The following COL26A1 variants were observed in gnomAD, a reference collection of about 807,000 sequenced individuals.
COL26A1 encodes collagen type XXVI alpha 1 chain.
Under a neutral mutation model 59.3 loss-of-function variants are expected in COL26A1, and 41 were observed. That is an observed-to-expected ratio of 0.69 (90% CI 0.54 to 0.90). COL26A1 has a LOEUF of 0.90. Among genes scored for constraint, COL26A1 ranks in the 40% least tolerant of loss-of-function variants. COL26A1 has a pLI of 0.00. For synonymous variants in COL26A1, 266 were observed against 256.0 expected (o/e 1.04, Z -0.37); for missense variants, 612 against 602.3 (o/e 1.02, Z -0.17).
At chr7:101,444,288 T>A (rs1793132131) in intron 2 of COL26A1, among the ~76,000 whole-genome samples, 2 of 152,112 alleles carry the variant, frequency 1.3e-5, no homozygotes, top group South Asian at 4.1e-4. Context: ...ATAAACCCAC[T>A]TTGGGTTTAT....
chr7:101,381,836 G>T (rs1201035984), intron 1 of COL26A1, among the ~76,000 whole-genome samples: 1 of 152,108 alleles, frequency 6.6e-6, no homozygotes, highest in Admixed American at 6.6e-5. Flanking sequence ...GGACGTCCCT[G>T]GGGGAGATAT....
At chr7:101,447,824 C>T (rs113636413) in intron 3 of COL26A1, 37 bp downstream of exon 3, 6 of 1,350,242 alleles carry the variant, frequency 4.4e-6, no homozygotes, top group Admixed American at 1.9e-5. Flanking sequence ...GGGGGCCAGG[C>T]GTGGGCCAGG....
At chr7:101,543,108 G>A (rs973274624) in intron 5 of COL26A1, among the ~76,000 whole-genome samples, 1 of 152,114 alleles carries the variant, frequency 6.6e-6, no homozygotes, top group African/African-American at 2.4e-5. Flanking sequence ...CCATACCACA[G>A]TCCCATGCAG....
intron 3 of COL26A1, among the ~76,000 whole-genome samples, chr7:101,463,632 TTCCTTCCTTCCATC>T (rs1562993133): frequency 4.6e-5 from 3 of 65,012 alleles, no homozygotes; most frequent in African/African-American, 1.6e-4. Flanking sequence ...CCCCTCTTCC[TTCCTTCCTTCCATC>T]CTTCCATCCT....
At chr7:101,400,218 A>G (rs1427679273) in intron 1 of COL26A1, among the ~76,000 whole-genome samples, 1 of 152,082 alleles carries the variant, frequency 6.6e-6, no homozygotes, top group East Asian at 1.9e-4. Flanking sequence ...AGATGTGGAG[A>G]GAGGCATGGC....
rs1252886257 is a variant in COL26A1, at chr7:101,466,825, TGTGTGTGTGTGTGAGA to T, written c.385+19040_385+19055del. Reference sequence around the variant, plus strand: ...GTGTGTGTGTGTGTGTGTGTGTGTGTGTGTGTGTGTGTGAGAGAGAGAGATTCAGTCTCTGCCTTTT... The same window carrying T: ...GTGTGTGTGTGTGTGTGTGTGTGTGTGAGAGAGATTCAGTCTCTGCCTTTT... On this transcript the variant is annotated intron_variant, in intron 3 of 12. Coordinates refer to ENST00000313669, the MANE Select transcript of COL26A1 (RefSeq NM_001278563.3). Among the ~76,000 whole-genome samples the T allele has an allele frequency of 4.0e-3, 517 of 128,254 alleles. 6 individuals carry two copies. The highest frequency in any genetic ancestry group is 0.015 in the African/African-American group (496 of 32,506). The allele number at this position is 128,254 out of a possible 152,430, so 84.1% of individuals were successfully genotyped here. A position where few individuals can be genotyped will look rare whatever the true frequency, so the allele number is the denominator to read the frequency against.
chr7:101,389,332 T>A (rs567910169), intron 1 of COL26A1, among the ~76,000 whole-genome samples: 1 of 152,180 alleles, frequency 6.6e-6, no homozygotes, highest in Middle Eastern at 3.4e-3. Context: ...TAGGAGTTCC[T>A]TATGTATCTG....
chr7:101,406,112 T>C (rs1249933597), intron 1 of COL26A1, among the ~76,000 whole-genome samples: 2 of 152,206 alleles, frequency 1.3e-5, no homozygotes, highest in East Asian at 3.8e-4. Flanking sequence ...CTGGAAACCA[T>C]GTCATCGCCT....
intron 3 of COL26A1, among the ~76,000 whole-genome samples, chr7:101,501,101 G>C (rs1482928929): frequency 6.7e-6 from 1 of 148,160 alleles, no homozygotes; most frequent in Non-Finnish European, 1.5e-5. Flanking sequence ...CAGGAGAATC[G>C]CTTGTACTGG....
At chr7:101,376,032 G>A (rs1397450318) in intron 1 of COL26A1, among the ~76,000 whole-genome samples, 1 of 150,492 alleles carries the variant, frequency 6.6e-6, no homozygotes, top group Admixed American at 6.6e-5. Flanking sequence ...ACGGTGATGT[G>A]TGATTGTAGT....
At position 101,421,536 on chromosome 7, in the gene COL26A1, G is replaced by A. The variant is rs543221701; in HGVS notation, c.281+1437G>A. On this transcript the variant is annotated intron_variant, in intron 2 of 12. Coordinates refer to ENST00000313669, the MANE Select transcript of COL26A1 (RefSeq NM_001278563.3). ...CTAAAAATACAAAAATTAGCCAGGC[G>A]TGGTGGTGGGCGCCTGCAATCCCAG... 2.9e-3 allele frequency among the ~76,000 whole-genome samples: 435 copies of A among 152,118 alleles called. 2 individuals carry two copies. The highest frequency in any genetic ancestry group is 9.3e-3 in the African/African-American group (388 of 41,500).
At chr7:101,407,351 A>G (rs1413998408) in intron 1 of COL26A1, among the ~76,000 whole-genome samples, 1 of 152,088 alleles carries the variant, frequency 6.6e-6, no homozygotes, top group Admixed American at 6.6e-5. Flanking sequence ...ACCTGTCCTC[A>G]ACAGCCCTCA....
chr7:101,393,833 A>G (rs1378097046), intron 1 of COL26A1, among the ~76,000 whole-genome samples: 1 of 151,962 alleles, frequency 6.6e-6, no homozygotes, highest in African/African-American at 2.4e-5. Flanking sequence ...TACAGCCTCA[A>G]ACTTCTGGGC....
At chr7:101,449,611 T>G (rs563867211) in intron 3 of COL26A1, among the ~76,000 whole-genome samples, 5 of 149,936 alleles carry the variant, frequency 3.3e-5, no homozygotes, top group Admixed American at 2.0e-4. Flanking sequence ...TCTACTAAAA[T>G]ATACAAAAAT....
chr7:101,365,778 G>A (rs925423454), intron 1 of COL26A1, among the ~76,000 whole-genome samples: 4 of 150,984 alleles, frequency 2.6e-5, no homozygotes, highest in Non-Finnish European at 4.4e-5. Flanking sequence ...TGCAAGGAGC[G>A]TATATTCATG....
chr7:101,495,349 C>T (rs914673202), intron 3 of COL26A1, among the ~76,000 whole-genome samples: 116 of 152,066 alleles, frequency 7.6e-4, no homozygotes, highest in African/African-American at 2.7e-3. Flanking sequence ...TTCCAGGGCA[C>T]CTCTGGCGGG....
rs766002746 is a variant in COL26A1, at chr7:101,545,322, C to G, written c.704-16C>G. 4.5e-6 allele frequency: 7 copies of G among 1,554,228 alleles called. No individual in the cohort carries two copies. Among genetic ancestry groups the G allele is most frequent in the Admixed American group, 2.2e-5 (1 of 45,638 alleles). On this transcript the variant is annotated splice_polypyrimidine_tract_variant and intron_variant, in intron 6 of 12. Transcript: ENST00000313669. ...GGCTCCGGCTGCCACAGTGACTGTT[C>G]TTTTCCTCATTGCAGGGCTCCTGGG...
At chr7:101,409,015 G>A (rs975383972) in intron 1 of COL26A1, among the ~76,000 whole-genome samples, 1 of 152,204 alleles carries the variant, frequency 6.6e-6, no homozygotes, top group Admixed American at 6.6e-5. Flanking sequence ...TGTTGCCTTG[G>A]ACATGTTATT....
At chr7:101,452,205 T>G (rs1252637116) in intron 3 of COL26A1, among the ~76,000 whole-genome samples, 1 of 152,144 alleles carries the variant, frequency 6.6e-6, no homozygotes, top group Admixed American at 6.6e-5. Flanking sequence ...TTCCACATTT[T>G]GCAGAGCTCT....
Sources: gnomAD v4.1 joint callset for allele counts (sites outside exome capture counted in the v4.1 genomes callset) on GRCh38, gnomAD v4.1.1 for gene constraint, MANE v1.5 for transcripts, NCBI Gene and HGNC (gene_info 2026-07-23, HGNC 2026-07-21) for gene names.